USP35: variants seen among roughly 807,000 people sequenced by gnomAD.
USP35 encodes the protein ubiquitin carboxyl-terminal hydrolase 35.
A neutral mutation model predicts 83.8 loss-of-function variants in USP35; 69 were observed. The ratio of observed to expected loss-of-function variants is 0.82; its 90% CI spans 0.68 to 1.01. The LOEUF (loss-of-function observed/expected upper bound fraction) is 1.01, where lower values mean the gene tolerates loss of function less well. Among genes scored for constraint, USP35 ranks in the 50% least tolerant of loss-of-function variants. The pLI, the probability that USP35 is intolerant of heterozygous loss-of-function variation, is 0.00. For synonymous variants in USP35, 714 were observed against 589.5 expected (o/e 1.21, Z -3.06); for missense variants, 1,503 against 1,362.5 (o/e 1.10, Z -1.62).
intron 6 of USP35, 124 bp from the exon 7 acceptor site, chr11:78,205,718 G>C (rs199551562): frequency 3.1e-5 from 31 of 1,001,690 alleles, no homozygotes; most frequent in African/African-American, 2.3e-4. Flanking sequence ...GAACATCTGT[G>C]GGGGGGTGTG....
Position 78,213,832 on chromosome 11 carries a change from C to G in USP35, c.*19C>G, listed in dbSNP as rs757219519. 6.5e-7 allele frequency: 1 copy of G among 1,538,234 alleles called. No homozygotes were observed. The highest frequency in any genetic ancestry group is 2.4e-5 in the Admixed American group (1 of 41,990). ...CTTCTAATGTGAACCTGCTGCCAACCTGACCCCTTCCCTCCAGGAGCCAGG... is the reference window on the plus strand; with the variant it reads ...CTTCTAATGTGAACCTGCTGCCAACGTGACCCCTTCCCTCCAGGAGCCAGG... On this transcript the variant is annotated 3_prime_UTR_variant, in exon 11 of 11. Coordinates refer to ENST00000529308, the MANE Select transcript of USP35 (RefSeq NM_020798.4).
intron 10 of USP35, among the ~76,000 whole-genome samples, chr11:78,211,987 T>C (rs1466089665): frequency 6.6e-6 from 1 of 152,280 alleles, no homozygotes; most frequent in African/African-American, 2.4e-5. Context: ...GCAATTGCTT[T>C]TGATGTTTCC....
Position 78,196,151 on chromosome 11 carries a change from C to T in USP35, c.-10-85C>T. 2.0e-6 allele frequency: 3 copies of T among 1,464,214 alleles called. No individual in the cohort carries two copies. Among genetic ancestry groups the T allele is most frequent in the Non-Finnish European group, 2.7e-6 (3 of 1,117,594 alleles). 90.7% of individuals were successfully genotyped at this position (1,464,214 alleles called of 1,614,324 possible). ...GCCCAGAAAGTTTGAGTTGCTTGCC[C>T]TAAGTCTCAGCACTCGGGGACTGCA... is the stretch of plus-strand genomic sequence containing the variant. On this transcript the variant is annotated intron_variant, in intron 1 of 10. Coordinates refer to ENST00000529308, the MANE Select transcript of USP35 (RefSeq NM_020798.4). The surrounding 1 kb of genome is among the most constrained non-coding windows in gnomAD (Gnocchi z 4.8).
In USP35 at chr11:78,209,576, T is replaced by C. The variant is rs762464581; in HGVS notation, c.1721T>C (p.Ile574Thr). 6 of 1,613,988 alleles carry C rather than the reference T, an allele frequency of 3.7e-6. No individual in the cohort carries two copies. The African/African-American group carries it at 4.0e-5, about 11-fold the overall frequency. Reference protein sequence around the residue: ...TSVEKMFGGKIVTRICCLCCL... With the variant: ...TSVEKMFGGKTVTRICCLCCL... Reference sequence around the variant, plus strand: ...GTGGAAAAAATGTTTGGAGGCAAGATAGTGACTCGGATCTGCTGTCTCTGC... The same window carrying C: ...GTGGAAAAAATGTTTGGAGGCAAGACAGTGACTCGGATCTGCTGTCTCTGC... Residue 574 changes from isoleucine (I) to threonine (T), a missense_variant, in exon 10 of 11, where the codon ATA becomes ACA. Physicochemically the swap from Ile to Thr is moderately conservative, Grantham distance 89. Coordinates refer to ENST00000529308, the MANE Select transcript of USP35 (RefSeq NM_020798.4).
chr11:78,215,482 A>AACTT (rs1292944772), downstream of USP35: 3 of 152,676 alleles, frequency 2.0e-5, no homozygotes, highest in Admixed American at 6.5e-5. Flanking sequence ...ATAAATTAAT[A>AACTT]ACTTAAGTGA....
intron 4 of USP35, 142 bp downstream of exon 4, chr11:78,199,866 G>A (rs1342412444): frequency 1.5e-6 from 2 of 1,368,788 alleles, no homozygotes; most frequent in Non-Finnish European, 2.0e-6. Flanking sequence ...GCCCCTCTCT[G>A]GGCCTCAGAT....
At chr11:78,225,244 C>G in the USP35 span, 5 of 1,304,886 alleles carry the variant, frequency 3.8e-6, no homozygotes, top group Non-Finnish European at 5.6e-6. Context: ...ATGGTTGATT[C>G]ATGTGTTGAC....
At chr11:78,222,856 T>A in the USP35 span, among the ~76,000 whole-genome samples, 1 of 152,218 alleles carries the variant, frequency 6.6e-6, no homozygotes, top group African/African-American at 2.4e-5. Flanking sequence ...GTGTTGGGGT[T>A]ACAGGCGTAC....
chr11:78,193,744 A>AAAC (rs147049294), intron 1 of USP35, among the ~76,000 whole-genome samples: 51 of 151,894 alleles, frequency 3.4e-4, no homozygotes, highest in Admixed American at 1.2e-3. Flanking sequence ...AAAGAGTCAA[A>AAAC]AACAACAACA....
At chr11:78,221,782 G>A in the USP35 span, 53 of 1,605,426 alleles carry the variant, frequency 3.3e-5, no homozygotes, top group East Asian at 4.5e-4. Flanking sequence ...AGGTGTGGCT[G>A]TTGTGGGAAG....
At chr11:78,234,201 G>A in the USP35 span, among the ~76,000 whole-genome samples, 5 of 152,258 alleles carry the variant, frequency 3.3e-5, no homozygotes, top group East Asian at 5.8e-4. Flanking sequence ...TCCCACCACA[G>A]CCTGCTGAGT....
chr11:78,215,246 G>A (rs2912), downstream of USP35: 24,951 of 152,518 alleles, frequency 0.16, 2,565 homozygotes, highest in East Asian at 0.4. Flanking sequence ...GAGTGAGAAC[G>A]GGTTCCACCA....
In USP35 at chr11:78,197,238, T is replaced by TGG. The variant is rs35785270; in HGVS notation, c.673+330_673+331dup. ...GCCACAGGATTTGGGGCGGGGGAGG[T>TGG]GGGGGGGGGGGTCATTATGGTCTTC... On this transcript the variant is annotated intron_variant, in intron 2 of 10. Transcript: ENST00000529308. 1.8e-3 allele frequency among the ~76,000 whole-genome samples: 121 copies of TGG among 68,694 alleles called. 1 individual carries two copies. Among genetic ancestry groups the TGG allele is most frequent in the South Asian group, 3.0e-3 (4 of 1,332 alleles). 45.1% of individuals were successfully genotyped at this position (68,694 alleles called of 152,430 possible). A position where few individuals can be genotyped will look rare whatever the true frequency, so the allele number is the denominator to read the frequency against.
downstream of USP35, chr11:78,219,149 G>T (rs992572828): frequency 8.5e-6 from 8 of 945,508 alleles, no homozygotes; most frequent in Non-Finnish European, 1.3e-5. Flanking sequence ...CAAGTGCTTT[G>T]AAGGCTGAGA....
At chr11:78,219,426 A>C (rs201564172), downstream of USP35, 12 of 1,613,308 alleles carry the variant, frequency 7.4e-6, no homozygotes, top group Middle Eastern at 1.5e-3. Context: ...CTGAGGGGAC[A>C]GAGTGGGAAA....
downstream of USP35, chr11:78,219,206 G>GA: frequency 6.8e-7 from 1 of 1,465,964 alleles, no homozygotes; most frequent in South Asian, 1.2e-5. Context: ...CGGGAGAGGG[G>GA]AGAGGGGAGA....
At chr11:78,209,085 G>T (rs1441067161) in intron 9 of USP35, 122 bp downstream of exon 9, 2 of 1,007,582 alleles carry the variant, frequency 2.0e-6, no homozygotes, top group Non-Finnish European at 2.9e-6. Context: ...CATGTGGAGG[G>T]CGTGGAGAAG....
At chr11:78,200,057 C>G in intron 4 of USP35, 76 bp from the exon 5 acceptor site, 3 of 1,499,870 alleles carry the variant, frequency 2.0e-6, no homozygotes, top group Non-Finnish European at 2.8e-6. Flanking sequence ...GTCTCTGAGT[C>G]CCCTCTCAGG....
intron 1 of USP35, among the ~76,000 whole-genome samples, chr11:78,192,209 A>G (rs1863026278): frequency 6.6e-6 from 1 of 152,202 alleles, no homozygotes; most frequent in African/African-American, 2.4e-5. Context: ...AGCTTTTAAC[A>G]CAGGCTCTCC....
Sources: gnomAD v4.1 joint callset for allele counts (sites outside exome capture counted in the v4.1 genomes callset) on GRCh38, gnomAD v4.1.1 for gene constraint, Gnocchi (gnomAD v3.1) non-coding constraint, MANE v1.5 for transcripts, NCBI Gene and HGNC (gene_info 2026-07-23, HGNC 2026-07-21) for gene names.